MLH3: variants seen among roughly 807,000 people sequenced by gnomAD.
MLH3 encodes the protein DNA mismatch repair protein Mlh3.
A neutral mutation model predicts 122.2 loss-of-function variants in MLH3; 82 were observed. That is an observed-to-expected ratio of 0.67 (90% CI 0.56 to 0.81). The LOEUF (loss-of-function observed/expected upper bound fraction) is 0.81. Among genes scored for constraint, MLH3 ranks in the 30% least tolerant of loss-of-function variants. MLH3 has a pLI of 0.00. For synonymous variants in MLH3, 524 were observed against 599.5 expected (o/e 0.87, Z 1.84); for missense variants, 1,539 against 1,714.5 (o/e 0.90, Z 1.81).
rs1198596878 is a variant in MLH3 at position 75,022,803 on chromosome 14, GA to G, written c.4090+10del. The G allele has an allele frequency of 1.2e-6, 2 of 1,613,226 alleles. No individual in the cohort carries two copies. The highest frequency in any genetic ancestry group is 4.5e-5 in the East Asian group (2 of 44,882). ...AGAGGTGTTTGATCACTGCTATGTT[GA>G]AGGGCTTACCATGGCAGGCTTGGGA... On this transcript the variant is annotated intron_variant, in intron 11 of 12. Transcript: ENST00000355774.
chr14:75,032,620 A>G (rs1257884885), intron 7 of MLH3, among the ~76,000 whole-genome samples: 1 of 151,920 alleles, frequency 6.6e-6, no homozygotes, highest in East Asian at 2.0e-4. Flanking sequence ...TTTTTCTAAC[A>G]CTGTTTTTAC....
chr14:75,050,182 TA>T (rs1245282724), intron 1 of MLH3, among the ~76,000 whole-genome samples: 2 of 152,174 alleles, frequency 1.3e-5, no homozygotes, highest in African/African-American at 4.8e-5. Context: ...GACATTGTAA[TA>T]AGGTGAAGCA....
chr14:75,013,881 T>G lies in MLH3; in HGVS notation c.*3201A>C. The G allele has an allele frequency of 4.6e-6, 1 of 215,436 alleles. No individual in the cohort carries two copies. The highest frequency in any genetic ancestry group is 9.4e-6 in the Non-Finnish European group (1 of 106,670). The allele number at this position is 215,436 out of a possible 1,614,324, so 13.3% of individuals were successfully genotyped here. A position where few individuals can be genotyped will look rare whatever the true frequency, so the allele number is the denominator to read the frequency against. The stretch of plus-strand genomic sequence containing the variant: ...CACCTTTTTGCCATCTCACCGTTGA[T>G]GAGCAGCTTCAGCTTAGAGGGTAAA... On this transcript the variant is annotated 3_prime_UTR_variant, in exon 13 of 13. Coordinates refer to ENST00000355774, the MANE Select transcript of MLH3 (RefSeq NM_001040108.2).
At position 75,047,134 on chromosome 14, in the gene MLH3, T is replaced by C. The variant is rs1397256516; in HGVS notation, c.2522A>G (p.Gln841Arg). 1 of 1,614,196 alleles carries C rather than the reference T, an allele frequency of 6.2e-7. No homozygotes were observed. The highest frequency in any genetic ancestry group is 8.5e-7 in the Non-Finnish European group (1 of 1,180,016). ...PFSKDEDCLE[Q>R]QMPSLRESPM... Reference sequence around the variant, plus strand: ...ACTTTCTCTCAAACTAGGCATCTGTTGTTCTAAACAATCTTCATCCTTGGA... The same window carrying C: ...ACTTTCTCTCAAACTAGGCATCTGTCGTTCTAAACAATCTTCATCCTTGGA... Residue 841 changes from glutamine (Q) to arginine (R), a missense_variant, in exon 2 of 13, where the codon CAA becomes CGA. By Grantham distance (43) the Gln-to-Arg change is conservative. Coordinates refer to ENST00000355774, the MANE Select transcript of MLH3 (RefSeq NM_001040108.2).
chr14:75,035,496 T>C (rs1013019357), intron 6 of MLH3, among the ~76,000 whole-genome samples: 3 of 152,202 alleles, frequency 2.0e-5, no homozygotes, highest in African/African-American at 7.2e-5. Flanking sequence ...CACTCCAGCC[T>C]GGGCAACAAG....
chr14:75,030,632 G>A lies in MLH3; in HGVS notation c.3898C>T (p.Leu1300Phe), dbSNP rs2139385883. Residue 1300 changes from leucine to phenylalanine, a missense_variant, in exon 9 of 13, where the codon CTT becomes TTT. Coordinates refer to ENST00000355774, the MANE Select transcript of MLH3 (RefSeq NM_001040108.2). ...AAACATAGTGGTACTTTTCCCACAA[G>A]GACCAGAGAATCACTAGTGTCTGGA... ...VFPDTSDSLV[L>F]VGKVPLCFVE... The A allele has an allele frequency of 1.9e-6, 3 of 1,613,704 alleles. No homozygotes were observed. Among genetic ancestry groups the A allele is most frequent in the Non-Finnish European group, 2.5e-6 (3 of 1,179,830 alleles).
intron 9 of MLH3, among the ~76,000 whole-genome samples, chr14:75,027,679 A>C (rs562569278): frequency 0.011 from 1,469 of 137,624 alleles, 60 homozygotes; most frequent in African/African-American, 0.036. Flanking sequence ...AAAAAAAAAA[A>C]AAAAAAAAAA....
intron 9 of MLH3, among the ~76,000 whole-genome samples, chr14:75,030,318 A>C (rs1227107222): frequency 6.6e-6 from 1 of 152,176 alleles, no homozygotes; most frequent in Non-Finnish European, 1.5e-5. Flanking sequence ...CTGGGAAGAA[A>C]GCAAAACACA....
rs760112108 is a variant in MLH3 at position 75,033,477 on chromosome 14, G to A, written c.3657C>T (p.Leu1219=). 5.0e-6 allele frequency: 8 copies of A among 1,613,790 alleles called. No homozygotes were observed. Among genetic ancestry groups the A allele is most frequent in the African/African-American group, 2.7e-5 (2 of 74,890 alleles). ...GGGCAGCGTGCTGATCCACCAGCACGAGCAGGTTCCCACCTAGATGAGCAA... is the reference window on the plus strand; with the variant it reads ...GGGCAGCGTGCTGATCCACCAGCACAAGCAGGTTCCCACCTAGATGAGCAA... ...EENGEAGGNL[L]VLVDQHAAHE... Residue 1219 remains leucine (L), a synonymous_variant, in exon 7 of 13, where the codon CTC becomes CTT. Coordinates refer to ENST00000355774, the MANE Select transcript of MLH3 (RefSeq NM_001040108.2).
rs28757001 is a variant in MLH3 at position 75,043,957 on chromosome 14, C to T, written c.3281-1480G>A. On this transcript the variant is annotated intron_variant, in intron 2 of 12. Transcript: ENST00000355774. Reference sequence around the variant, plus strand: ...ATACAAAATTAGCCAGGCATGGTGGCGCATGCCTGTAATTCCAGCTACTCA... The same window carrying T: ...ATACAAAATTAGCCAGGCATGGTGGTGCATGCCTGTAATTCCAGCTACTCA... Among the ~76,000 whole-genome samples, 694 of 152,188 alleles carry T rather than the reference C, an allele frequency of 4.6e-3. 1 individual carries two copies. Among genetic ancestry groups the T allele is most frequent in the Middle Eastern group, 0.01 (3 of 294 alleles).
chr14:75,038,744 T>C (rs1006400724), intron 5 of MLH3, among the ~76,000 whole-genome samples: 1 of 152,194 alleles, frequency 6.6e-6, no homozygotes, highest in Non-Finnish European at 1.5e-5. Flanking sequence ...TGACCAGAGA[T>C]TGCTAACATA....
chr14:75,046,634 G>C lies in MLH3; in HGVS notation c.3022C>G (p.Pro1008Ala), dbSNP rs2139550006. Residue 1008 changes from proline (P) to alanine (A), a missense_variant, in exon 2 of 13, where the codon CCG becomes GCG. Physicochemically the swap from Pro to Ala is conservative, Grantham distance 27. Transcript: ENST00000355774. The part of the protein sequence containing the change: ...LDSPSGMLMN[P>A]VEDATGDQNG... ...TGGTCACCTGTGGCATCTTCTACCG[G>C]ATTCATTAACATTCCACTGGGAGAG... The C allele has an allele frequency of 1.2e-6, 2 of 1,614,138 alleles. No homozygotes were observed. The highest frequency in any genetic ancestry group is 2.2e-5 in the East Asian group (1 of 44,884).
chr14:75,045,777 G>A (rs1231643041), intron 2 of MLH3, among the ~76,000 whole-genome samples: 1 of 152,098 alleles, frequency 6.6e-6, no homozygotes, highest in Non-Finnish European at 1.5e-5. Flanking sequence ...CACCCCTTTT[G>A]TTGTTGCTCT....
Position 75,018,908 on chromosome 14 carries a change from TG to T in MLH3, c.4162del (p.Gln1388SerfsTer16). 1.2e-6 allele frequency: 2 copies of T among 1,614,200 alleles called. No individual in the cohort carries two copies. The highest frequency in any genetic ancestry group is 1.7e-6 in the Non-Finnish European group (2 of 1,180,036). On this transcript the variant is annotated frameshift_variant, in exon 12 of 13. Transcript: ENST00000355774. LOFTEE classifies it high-confidence loss of function. The part of the protein sequence containing the change: ...CRLIEALSSC[Q>X]LPFQCAHGRP... Reference sequence around the variant, plus strand: ...CCCGTGAGCACACTGGAATGGCAGCTGGCATGAGGACAGAGCTTCAATAAGG... The same window carrying T: ...CCCGTGAGCACACTGGAATGGCAGCTGCATGAGGACAGAGCTTCAATAAGG...
chr14:75,048,243 T>C lies in MLH3; in HGVS notation c.1413A>G (p.Leu471=). 3 of 1,614,038 alleles carry C rather than the reference T, an allele frequency of 1.9e-6. No homozygotes were observed. The highest frequency in any genetic ancestry group is 2.5e-6 in the Non-Finnish European group (3 of 1,179,998). Residue 471 remains leucine (L), a synonymous_variant, in exon 2 of 13, where the codon TTA becomes TTG. Coordinates refer to ENST00000355774, the MANE Select transcript of MLH3 (RefSeq NM_001040108.2). The stretch of plus-strand genomic sequence containing the variant: ...CTGATGCTACAATTGTCTCTTGTTC[T>C]AACATCTTTGATTCTGAGCAAGAGC... ...KDSSCSESKM[L]EQETIVASEA...
At chr14:75,030,808 G>C in intron 8 of MLH3, 106 bp from the exon 9 acceptor site, 2 of 913,936 alleles carry the variant, frequency 2.2e-6, no homozygotes, top group South Asian at 2.9e-5. Flanking sequence ...GCTGCCACAG[G>C]GCTTAACAAC....
At chr14:75,027,675 A>C (rs1890730312) in intron 9 of MLH3, among the ~76,000 whole-genome samples, 1 of 137,480 alleles carries the variant, frequency 7.3e-6, no homozygotes, top group African/African-American at 2.6e-5. Flanking sequence ...AAAAAAAAAA[A>C]AAAAAAAAAA....
chr14:75,022,181 G>A (rs940949450), intron 11 of MLH3, among the ~76,000 whole-genome samples: 1 of 152,154 alleles, frequency 6.6e-6, no homozygotes, highest in Non-Finnish European at 1.5e-5. Flanking sequence ...AGGGTGGGAG[G>A]TGGGTGAGGA....
Position 75,030,716 on chromosome 14 carries a change from C to G in MLH3, c.3828-14G>C, listed in dbSNP as rs1305907511. On this transcript the variant is annotated splice_polypyrimidine_tract_variant and intron_variant, in intron 8 of 12. Coordinates refer to ENST00000355774, the MANE Select transcript of MLH3 (RefSeq NM_001040108.2). ...TTGTGGTAACACCTAAAGAGATAAC[C>G]TCAAATGTTAAAAAAAAAAAGAGTG... 6.2e-7 allele frequency: 1 copy of G among 1,610,172 alleles called. No homozygotes were observed. Among genetic ancestry groups the G allele is most frequent in the Non-Finnish European group, 8.5e-7 (1 of 1,176,778 alleles).
Sources: gnomAD v4.1 joint callset for allele counts (sites outside exome capture counted in the v4.1 genomes callset) on GRCh38, gnomAD v4.1.1 for gene constraint, MANE v1.5 for transcripts, NCBI Gene and HGNC (gene_info 2026-07-23, HGNC 2026-07-21) for gene names.